NEBL: variants seen among roughly 807,000 people sequenced by gnomAD.
NEBL encodes nebulette.
NEBL carries 122 observed loss-of-function variants against 140.2 expected under a neutral mutation model. The observed-to-expected ratio is 0.87, with a 90% CI of 0.75 to 1.01. The LOEUF is 1.01. NEBL is among the 50% of genes least tolerant of loss of function. The pLI is 0.00. For missense variants in NEBL, 1,365 were observed against 1,231.3 expected (o/e 1.11, Z -1.62); for synonymous variants, 436 against 398.9 (o/e 1.09, Z -1.11).
chr10:20,806,420 T>C (rs931431853), intron 26 of NEBL, among the ~76,000 whole-genome samples: 2 of 152,210 alleles, frequency 1.3e-5, no homozygotes, highest in African/African-American at 4.8e-5. Context: ...CCCTATCCAA[T>C]GCATGCGTCT....
rs544011498 is a variant in NEBL, at chr10:20,842,540, C to T, written c.1228-1691G>A. Among the ~76,000 whole-genome samples the T allele has an allele frequency of 3.9e-5, 6 of 152,068 alleles. No individual in the cohort carries two copies. The East Asian group carries it at 9.6e-4, about 24-fold the overall frequency. On this transcript the variant is annotated intron_variant, in intron 12 of 27. Coordinates refer to ENST00000377122, the MANE Select transcript of NEBL (RefSeq NM_006393.3). ...ATAATTTAATTAAGTCACCAAAAGTCCTCTTTTTCAAATTAGACAAGCTAT... is the reference window on the plus strand; with the variant it reads ...ATAATTTAATTAAGTCACCAAAAGTTCTCTTTTTCAAATTAGACAAGCTAT...
At chr10:21,265,192 G>A (rs1051768119) in intron 1 of NEBL, among the ~76,000 whole-genome samples, 4 of 152,038 alleles carry the variant, frequency 2.6e-5, no homozygotes, top group Admixed American at 2.6e-4. Context: ...CAAAGTGCTG[G>A]GATTACAGGT....
chr10:20,915,949 A>G (rs1375424480), intron 4 of NEBL, among the ~76,000 whole-genome samples: 1 of 152,232 alleles, frequency 6.6e-6, no homozygotes, highest in Non-Finnish European at 1.5e-5. Context: ...AAATTGTTAA[A>G]CTGCATTACC....
At chr10:21,112,262 A>C (rs1838050075) in intron 2 of NEBL, among the ~76,000 whole-genome samples, 1 of 152,348 alleles carries the variant, frequency 6.6e-6, no homozygotes, top group South Asian at 2.1e-4. Context: ...AGTATTATAA[A>C]TCATGCTACT....
At chr10:20,849,160 G>A (rs533304629) in intron 11 of NEBL, among the ~76,000 whole-genome samples, 7 of 152,060 alleles carry the variant, frequency 4.6e-5, no homozygotes, top group African/African-American at 1.7e-4. Context: ...CTTTGATATA[G>A]GCTGCAGACA....
chr10:21,223,749 T>C (rs1842105828), intron 3 of NEBL, among the ~76,000 whole-genome samples: 1 of 152,222 alleles, frequency 6.6e-6, no homozygotes, highest in Non-Finnish European at 1.5e-5. Flanking sequence ...TGAGATGATA[T>C]CTCATTGTAG....
At chr10:21,069,182 C>T (rs1209376102) in intron 2 of NEBL, among the ~76,000 whole-genome samples, 1 of 152,220 alleles carries the variant, frequency 6.6e-6, no homozygotes, top group African/African-American at 2.4e-5. Context: ...AGCCACCACA[C>T]CTGGCCCATC....
chr10:21,219,620 T>C (rs961781335), intron 3 of NEBL, among the ~76,000 whole-genome samples: 1 of 152,214 alleles, frequency 6.6e-6, no homozygotes, highest in Non-Finnish European at 1.5e-5. Context: ...ACTGTTTTTT[T>C]CTAATGCTAT....
At chr10:20,823,093 G>A (rs1321444956) in intron 19 of NEBL, 115 bp downstream of exon 19, 9 of 752,128 alleles carry the variant, frequency 1.2e-5, no homozygotes, top group East Asian at 5.6e-5. Context: ...TTAAGGAACC[G>A]ATCCTCTCGC....
chr10:20,947,111 G>A (rs1455129253), intron 4 of NEBL, among the ~76,000 whole-genome samples: 1 of 151,928 alleles, frequency 6.6e-6, no homozygotes, highest in Non-Finnish European at 1.5e-5. Flanking sequence ...GTCCTTTTTT[G>A]AATACACCTT....
At chr10:21,026,708 T>G (rs1320021178) in intron 2 of NEBL, among the ~76,000 whole-genome samples, 2 of 152,228 alleles carry the variant, frequency 1.3e-5, no homozygotes, top group South Asian at 4.1e-4. Flanking sequence ...CCTTATGGGC[T>G]TTATGTGAAA....
At chr10:20,925,950 T>C (rs975277733) in intron 4 of NEBL, among the ~76,000 whole-genome samples, 1 of 152,164 alleles carries the variant, frequency 6.6e-6, no homozygotes, top group African/African-American at 2.4e-5. Flanking sequence ...GCCAGCTGTC[T>C]ATAGGTGTGG....
chr10:21,075,884 T>G (rs564451119), intron 2 of NEBL, among the ~76,000 whole-genome samples: 2 of 152,132 alleles, frequency 1.3e-5, no homozygotes, highest in Admixed American at 1.3e-4. Flanking sequence ...TGAACAGATA[T>G]TTCTTCAAAG....
At chr10:21,091,975 A>G (rs965022413) in intron 2 of NEBL, among the ~76,000 whole-genome samples, 16 of 152,122 alleles carry the variant, frequency 1.1e-4, no homozygotes, top group African/African-American at 3.4e-4. Context: ...TTTGCTATTG[A>G]TATTTTTACC....
At chr10:21,107,195 C>T (rs1415966979) in intron 2 of NEBL, among the ~76,000 whole-genome samples, 1 of 152,112 alleles carries the variant, frequency 6.6e-6, no homozygotes, top group Non-Finnish European at 1.5e-5. Context: ...GCCTGATTGC[C>T]CTAACCAGAA....
chr10:20,819,017 T>C (rs1418304870), intron 20 of NEBL: 2 of 998,236 alleles, frequency 2.0e-6, no homozygotes, highest in Non-Finnish European at 2.4e-6. Flanking sequence ...CTTTTTCATG[T>C]TATAATGATA....
At chr10:21,152,019 T>C (rs1288996720) in intron 2 of NEBL, among the ~76,000 whole-genome samples, 1 of 152,218 alleles carries the variant, frequency 6.6e-6, no homozygotes, top group African/African-American at 2.4e-5. Flanking sequence ...GCCTGGTTCA[T>C]AGGACAGGCT....
At chr10:21,230,691 GC>G (rs1488340099) in intron 3 of NEBL, among the ~76,000 whole-genome samples, 1 of 147,454 alleles carries the variant, frequency 6.8e-6, no homozygotes, top group East Asian at 2.1e-4. Flanking sequence ...TGCAACCTCC[GC>G]CCCCTGGGTT....
chr10:20,914,632 T>C (rs1848462562), intron 4 of NEBL, among the ~76,000 whole-genome samples: 1 of 152,244 alleles, frequency 6.6e-6, no homozygotes, highest in South Asian at 2.1e-4. Context: ...ACTCCATTTA[T>C]ATTTTCCAGG....
Sources: gnomAD v4.1 joint callset for allele counts (sites outside exome capture counted in the v4.1 genomes callset) on GRCh38, gnomAD v4.1.1 for gene constraint, MANE v1.5 for transcripts, NCBI Gene and HGNC (gene_info 2026-07-23, HGNC 2026-07-21) for gene names.